The following CNTLN variants were observed in gnomAD, a reference collection of about 807,000 sequenced individuals.
CNTLN encodes the protein centlein.
Under a neutral mutation model 180.0 loss-of-function variants are expected in CNTLN, and 212 were observed. The observed-to-expected ratio is 1.18, with a 90% CI of 1.05 to 1.32. The LOEUF is 1.32. Ranked by LOEUF, CNTLN falls within the 40% of genes most tolerant of loss-of-function variation. The probability of loss-of-function intolerance (pLI) is 0.00; values close to 1 mark genes in which losing one functional copy is unlikely to be tolerated. For synonymous variants in CNTLN, 722 were observed against 563.1 expected (o/e 1.28, Z -3.99); for missense variants, 2,095 against 1,610.9 (o/e 1.30, Z -5.14).
chr9:17,305,521 G>GTT (rs34010980), intron 7 of CNTLN, among the ~76,000 whole-genome samples: 29,423 of 147,522 alleles, frequency 0.2, 3,484 homozygotes, highest in African/African-American at 0.34. Flanking sequence ...CTTGAGCACT[G>GTT]TTTTTTTTTT....
At chr9:17,399,852 C>T (rs1261516421) in intron 15 of CNTLN, among the ~76,000 whole-genome samples, 1 of 152,166 alleles carries the variant, frequency 6.6e-6, no homozygotes, top group African/African-American at 2.4e-5. Flanking sequence ...CAAGATGAAT[C>T]TGAATGAACA....
At chr9:17,426,567 T>C (rs1829097019) in intron 18 of CNTLN, among the ~76,000 whole-genome samples, 1 of 151,748 alleles carries the variant, frequency 6.6e-6, no homozygotes, top group Admixed American at 6.6e-5. Flanking sequence ...ACATTTTATA[T>C]ATGTAATAAT....
At chr9:17,261,265 G>C (rs965429247) in intron 5 of CNTLN, among the ~76,000 whole-genome samples, 6 of 151,442 alleles carry the variant, frequency 4.0e-5, no homozygotes, top group South Asian at 2.1e-4. Flanking sequence ...CCTTCATGGA[G>C]TAGGGCCATC....
chr9:17,424,501 C>G (rs1187134048), intron 18 of CNTLN, among the ~76,000 whole-genome samples: 3 of 152,154 alleles, frequency 2.0e-5, no homozygotes, highest in Non-Finnish European at 2.9e-5. Flanking sequence ...CAGAGACAAA[C>G]TACCAGAATC....
At chr9:17,260,652 G>C (rs746883313) in intron 5 of CNTLN, among the ~76,000 whole-genome samples, 15 of 151,078 alleles carry the variant, frequency 9.9e-5, no homozygotes, top group Non-Finnish European at 2.1e-4. Flanking sequence ...AGTTTCTCTT[G>C]CTATGCAGAA....
intron 6 of CNTLN, among the ~76,000 whole-genome samples, chr9:17,284,023 G>C (rs967144922): frequency 4.0e-5 from 6 of 151,514 alleles, no homozygotes; most frequent in Non-Finnish European, 7.4e-5. Flanking sequence ...GATTTTGTTT[G>C]TTTGTTTGTT....
At chr9:17,424,454 T>C in intron 18 of CNTLN, among the ~76,000 whole-genome samples, 1 of 152,188 alleles carries the variant, frequency 6.6e-6, no homozygotes, top group East Asian at 1.9e-4. Flanking sequence ...TCTAGTAACA[T>C]ATGTGTCATC....
intron 18 of CNTLN, among the ~76,000 whole-genome samples, chr9:17,420,077 G>A (rs978192756): frequency 4.3e-4 from 65 of 152,080 alleles, no homozygotes; most frequent in African/African-American, 1.6e-3. Flanking sequence ...ACCACGCCTG[G>A]CTAACTTTTG....
At chr9:17,286,536 T>G (rs1828992174) in intron 6 of CNTLN, among the ~76,000 whole-genome samples, 2 of 139,766 alleles carry the variant, frequency 1.4e-5, no homozygotes. Flanking sequence ...TTTCCAATTC[T>G]GTGAGGAAAG....
At chr9:17,147,074 G>GT (rs1030748300) in intron 2 of CNTLN, among the ~76,000 whole-genome samples, 24 of 152,102 alleles carry the variant, frequency 1.6e-4, no homozygotes, top group African/African-American at 5.8e-4. Flanking sequence ...TTTGCTTTGT[G>GT]TTTTTTGTAT....
intron 5 of CNTLN, among the ~76,000 whole-genome samples, chr9:17,266,288 A>C (rs200119042): frequency 1.3e-5 from 2 of 152,036 alleles, no homozygotes; most frequent in African/African-American, 4.8e-5. Context: ...CCTTCATTTC[A>C]TTATGTACCC....
chr9:17,460,158 T>C (rs1408814723), intron 19 of CNTLN, among the ~76,000 whole-genome samples: 1 of 151,652 alleles, frequency 6.6e-6, no homozygotes, highest in Non-Finnish European at 1.5e-5. Flanking sequence ...CATTTACAGT[T>C]GAGAAAACTG....
At chr9:17,146,395 A>G (rs886099069) in intron 2 of CNTLN, among the ~76,000 whole-genome samples, 17 of 152,006 alleles carry the variant, frequency 1.1e-4, no homozygotes, top group Non-Finnish European at 1.6e-4. Context: ...GCTCTATGCT[A>G]TGATCTGAAT....
intron 12 of CNTLN, among the ~76,000 whole-genome samples, chr9:17,365,418 C>T (rs1484740699): frequency 6.6e-6 from 1 of 152,078 alleles, no homozygotes; most frequent in Non-Finnish European, 1.5e-5. Context: ...ATTACGTAGT[C>T]TCAGGAGGTT....
chr9:17,522,561 G>A, the CNTLN span, among the ~76,000 whole-genome samples: 16 of 152,000 alleles, frequency 1.1e-4, no homozygotes, highest in African/African-American at 2.9e-4. Context: ...GTGGTTTTAC[G>A]ACATTTAGTT....
At chr9:17,305,654 G>A (rs1818656705) in intron 7 of CNTLN, among the ~76,000 whole-genome samples, 2 of 151,936 alleles carry the variant, frequency 1.3e-5, no homozygotes, top group Admixed American at 1.3e-4. Context: ...ATTACCCTGA[G>A]GTCTTGTCAC....
chr9:17,369,986 G>GAA (rs113484510), intron 13 of CNTLN, among the ~76,000 whole-genome samples: 19 of 110,016 alleles, frequency 1.7e-4, no homozygotes, highest in African/African-American at 5.2e-4. Context: ...ACTCCATCTC[G>GAA]AAAAAAAAAA....
rs548685536 is a variant in CNTLN, at chr9:17,419,227, T to A, written c.3114+3038T>A. On this transcript the variant is annotated intron_variant, in intron 18 of 25. Transcript: ENST00000380647. ...GGTATACTAGGTAAATGGCAAAGAT[T>A]TGTGATTCCCAAAAGCAGGTACTGT... Among the ~76,000 whole-genome samples, 4 of 152,290 alleles carry A rather than the reference T, an allele frequency of 2.6e-5. No individual in the cohort carries two copies. In the South Asian group the frequency reaches 8.3e-4, roughly 32 times the overall value.
chr9:17,394,748 G>A lies in CNTLN; in HGVS notation c.2294G>A (p.Ser765Asn), dbSNP rs761336595. The change falls in exon 15 of 26, where the codon AGT becomes AAT. Residue 765 changes from serine (S) to asparagine (N), a missense_variant. By Grantham distance (46) the Ser-to-Asn change is conservative. Transcript: ENST00000380647. ...AATACTGAACTTCAAGTAAAAATCA[G>A]TGAGCTGGAGACAGAAGTCACTTCC... The part of the protein sequence containing the change: ...KENTELQVKI[S>N]ELETEVTSLR... 1 of 1,613,996 alleles carries A rather than the reference G, an allele frequency of 6.2e-7. No homozygotes were observed. Among genetic ancestry groups the A allele is most frequent in the Non-Finnish European group, 8.5e-7 (1 of 1,179,954 alleles).
Sources: allele counts gnomAD v4.1 joint callset (sites outside exome capture counted in the v4.1 genomes callset), GRCh38; gene constraint gnomAD v4.1.1; transcripts MANE v1.5; gene names NCBI Gene and HGNC (gene_info 2026-07-23, HGNC 2026-07-21).